The following KDM2B variants were observed in gnomAD, a reference collection of about 807,000 sequenced individuals.
KDM2B encodes lysine demethylase 2B.
In KDM2B, 26 loss-of-function variants were observed where a neutral mutation model predicts 150.0. The ratio of observed to expected loss-of-function variants is 0.17; its 90% CI spans 0.13 to 0.24. The LOEUF (loss-of-function observed/expected upper bound fraction) is 0.24. Ranked by LOEUF, KDM2B falls within the 10% of genes least tolerant of loss-of-function variation. The pLI, the probability that KDM2B is intolerant of heterozygous loss-of-function variation, is 1.00. For synonymous variants in KDM2B, 734 were observed against 729.5 expected (o/e 1.01, Z -0.10); for missense variants, 1,265 against 1,816.9 (o/e 0.70, Z 5.52).
intron 22 of KDM2B, chr12:121,433,150 G>A (rs988872445): frequency 3.3e-5 from 15 of 456,598 alleles, no homozygotes; most frequent in African/African-American, 3.0e-4. Flanking sequence ...CATTCTTCCT[G>A]GCTTGTGGTT....
chr12:121,561,712 G>GA (rs1211338444), intron 4 of KDM2B, among the ~76,000 whole-genome samples: 2 of 152,136 alleles, frequency 1.3e-5, no homozygotes. Flanking sequence ...CCCAATCACT[G>GA]AAAGTCAAAC....
intron 12 of KDM2B, among the ~76,000 whole-genome samples, chr12:121,455,176 TG>T (rs1878028884): frequency 6.6e-6 from 1 of 152,172 alleles, no homozygotes; most frequent in Admixed American, 6.5e-5. Context: ...ACTGGAGCTC[TG>T]GGCCTCTACC....
At chr12:121,501,179 T>C (rs1180801240) in intron 11 of KDM2B, among the ~76,000 whole-genome samples, 1 of 151,620 alleles carries the variant, frequency 6.6e-6, no homozygotes, top group African/African-American at 2.4e-5. Context: ...GTCTTTATAA[T>C]AAGAGAGATT....
chr12:121,465,210 GGTTT>G (rs201384818), intron 12 of KDM2B, among the ~76,000 whole-genome samples: 48 of 152,166 alleles, frequency 3.2e-4, no homozygotes, highest in Middle Eastern at 3.4e-3. Flanking sequence ...AGTGAATACA[GGTTT>G]GTTTGTTTTT....
intron 8 of KDM2B, among the ~76,000 whole-genome samples, chr12:121,528,052 CCCCTAGG>C: frequency 6.6e-6 from 1 of 152,308 alleles, no homozygotes; most frequent in Non-Finnish European, 1.5e-5. Context: ...CACCTGGTGA[CCCCTAGG>C]CACTGTTTAC....
chr12:121,538,385 G>A (rs1555309112), intron 6 of KDM2B, among the ~76,000 whole-genome samples: 1 of 152,132 alleles, frequency 6.6e-6, no homozygotes, highest in East Asian at 1.9e-4. Context: ...AGTGGGATCC[G>A]GAGTATGGTA....
intron 12 of KDM2B, among the ~76,000 whole-genome samples, chr12:121,466,359 T>C (rs1879919547): frequency 6.6e-6 from 1 of 152,194 alleles, no homozygotes; most frequent in Non-Finnish European, 1.5e-5. Flanking sequence ...TTTCGCCTTC[T>C]TCCTAAACAC....
At chr12:121,539,446 AGTCACAAAT>A (rs1888428973) in intron 6 of KDM2B, among the ~76,000 whole-genome samples, 1 of 150,976 alleles carries the variant, frequency 6.6e-6, no homozygotes, top group Non-Finnish European at 1.5e-5. Context: ...TTGTATTTTT[AGTCACAAAT>A]GCCTCAGCTC....
At chr12:121,456,157 G>A (rs940802807) in intron 12 of KDM2B, among the ~76,000 whole-genome samples, 2 of 152,196 alleles carry the variant, frequency 1.3e-5, no homozygotes, top group Non-Finnish European at 2.9e-5. Context: ...CGTGGACTCC[G>A]GTGCTGTGCA....
intron 22 of KDM2B, among the ~76,000 whole-genome samples, chr12:121,435,962 C>T (rs1054223654): frequency 2.0e-5 from 3 of 152,090 alleles, no homozygotes; most frequent in Non-Finnish European, 4.4e-5. Context: ...CTGAGGAGGG[C>T]CTCTGCTGAA....
At position 121,566,439 on chromosome 12, in the gene KDM2B, T is replaced by A. The variant is rs149869316; in HGVS notation, c.397+8108A>T. 1.3e-3 allele frequency among the ~76,000 whole-genome samples: 194 copies of A among 152,152 alleles called. 3 individuals are homozygous for A. In the East Asian group the frequency reaches 0.029, roughly 23 times the overall value. Reference sequence around the variant, plus strand: ...GAGTTCGAGACCATCCTGGCCAATATGGTAAAACCCTGTCTCTACTAAAAA... The same window carrying A: ...GAGTTCGAGACCATCCTGGCCAATAAGGTAAAACCCTGTCTCTACTAAAAA... On this transcript the variant is annotated intron_variant, in intron 4 of 22. Transcript: ENST00000377071.
At chr12:121,443,608 G>A (rs1289753030) in intron 17 of KDM2B, 72 bp downstream of exon 17, 20 of 856,638 alleles carry the variant, frequency 2.3e-5, no homozygotes, top group South Asian at 4.0e-5. Flanking sequence ...GAGGACCAGC[G>A]GGGTGGGGTG....
rs368741587 is a variant in KDM2B, at chr12:121,510,038, A to G, written c.1176T>C (p.Asp392=). Residue 392 remains aspartate, a splice_region_variant and synonymous_variant, in exon 11 of 23, where the codon GAT becomes GAC. Coordinates refer to ENST00000377071, the MANE Select transcript of KDM2B (RefSeq NM_032590.5). ...CGTCTATGCTGGGCTTCCTCGGGGC[A>G]TCTGTGGGGGCAGGGTCACAAGAAA... ...QEYQRESMLI[D]APRKPSIDGF... is the part of the protein sequence containing the mutation. 10 of 1,542,756 alleles carry G rather than the reference A, an allele frequency of 6.5e-6. No individual in the cohort carries two copies. In the South Asian group the frequency reaches 1.3e-4, roughly 19 times the overall value.
At chr12:121,561,182 G>C (rs1460271930) in intron 4 of KDM2B, among the ~76,000 whole-genome samples, 5 of 152,104 alleles carry the variant, frequency 3.3e-5, no homozygotes, top group Non-Finnish European at 7.3e-5. Context: ...CGAAAGCCTC[G>C]GGCTCGGGGC....
At chr12:121,443,364 C>G in intron 17 of KDM2B, 3 of 576,362 alleles carry the variant, frequency 5.2e-6, no homozygotes, top group Non-Finnish European at 9.3e-6. Context: ...CCCGGCCCAG[C>G]AGGAATGGCT....
At position 121,453,295 on chromosome 12, in the gene KDM2B, A is replaced by G. The variant is rs1555292106; in HGVS notation, c.1784T>C (p.Val595Ala). 1 of 1,602,316 alleles carries G rather than the reference A, an allele frequency of 6.2e-7. No individual in the cohort carries two copies. The highest frequency in any genetic ancestry group is 2.3e-5 in the East Asian group (1 of 44,302). The change falls in exon 13 of 23, where the codon GTG becomes GCG. Residue 595 changes from valine (V) to alanine (A), a missense_variant. By Grantham distance (64) the Val-to-Ala change is moderately conservative. Around this residue, in one of 11 missense-constraint regions of KDM2B, gnomAD observed 69 missense variants for 85.7 expected, o/e 0.81. Transcript: ENST00000377071. The surrounding 1 kb of genome is among the most constrained non-coding windows in gnomAD (Gnocchi z 6.4). The part of the protein sequence containing the change: ...PKGKLGPASA[V>A]KLAANRTTAG... ...CGTTGTCCGGTTGGCGGCCAACTTCACCGCGGAGGCCGGGCCCAGCTTCCC... is the reference window on the plus strand; with the variant it reads ...CGTTGTCCGGTTGGCGGCCAACTTCGCCGCGGAGGCCGGGCCCAGCTTCCC...
the KDM2B span, chr12:121,416,549 C>G: frequency 1.7e-6 from 1 of 575,296 alleles, no homozygotes; most frequent in Non-Finnish European, 3.1e-6. Context: ...TATATTACTG[C>G]TCAAGTTTTA....
chr12:121,552,071 C>G (rs1555311905), intron 4 of KDM2B, among the ~76,000 whole-genome samples: 1 of 152,182 alleles, frequency 6.6e-6, no homozygotes, highest in Non-Finnish European at 1.5e-5. Context: ...CTGGCTCAAG[C>G]TCCCCAGAGT....
intron 12 of KDM2B, among the ~76,000 whole-genome samples, chr12:121,461,153 G>A (rs1028454228): frequency 3.2e-4 from 48 of 152,304 alleles, no homozygotes; most frequent in Non-Finnish European, 5.6e-4. Flanking sequence ...CTTAGAGGGA[G>A]AACAGGACCC....
Sources: gnomAD v4.1 joint callset for allele counts (sites outside exome capture counted in the v4.1 genomes callset) on GRCh38, gnomAD v4.1.1 for gene constraint, gnomAD v4.1.1 regional missense constraint, Gnocchi (gnomAD v3.1) non-coding constraint, MANE v1.5 for transcripts, NCBI Gene and HGNC (gene_info 2026-07-23, HGNC 2026-07-21) for gene names.